Variants in RIMS3 observed in about 807,000 individuals in gnomAD.
The protein encoded by RIMS3 is regulating synaptic membrane exocytosis 3, also known as regulating synaptic membrane exocytosis protein 3.
In RIMS3, 15 loss-of-function variants were observed where a neutral mutation model predicts 29.2. That is an observed-to-expected ratio of 0.51 (90% confidence interval 0.34 to 0.79). The LOEUF (loss-of-function observed/expected upper bound fraction) is 0.79, where lower values mean the gene tolerates loss of function less well. RIMS3 is among the 30% of genes least tolerant of loss of function. RIMS3 has a pLI of 0.01. For missense variants in RIMS3, 342 were observed against 421.4 expected (o/e 0.81, Z 1.65); for synonymous variants, 161 against 170.1 (o/e 0.95, Z 0.41).
upstream of RIMS3, among the ~76,000 whole-genome samples, chr1:40,667,210 G>A (rs1259581877): frequency 6.6e-6 from 1 of 152,212 alleles, no homozygotes; most frequent in Non-Finnish European, 1.5e-5. Flanking sequence ...TAGCTGGTCA[G>A]AGGTGGAGCT....
In RIMS3 at chr1:40,665,498, G is replaced by A. The variant is rs1642410998; in HGVS notation, c.-311C>T. On this transcript the variant is annotated 5_prime_UTR_variant, in exon 1 of 8. Transcript: ENST00000372684. The stretch of plus-strand genomic sequence containing the variant: ...CCCGGGACCCCGCCCCGCGAACCCG[G>A]CAGTAGGCGCGGCCCGGCCCCAGGC... 1 of 152,206 alleles carries A rather than the reference G, an allele frequency of 6.6e-6. No homozygotes were observed. Among genetic ancestry groups the A allele is most frequent in the African/African-American group, 2.4e-5 (1 of 41,436 alleles). 9.4% of individuals were successfully genotyped at this position (152,206 alleles called of 1,614,324 possible).
At position 40,629,251 on chromosome 1, in the gene RIMS3, C is replaced by T. The variant is rs753131811; in HGVS notation, c.574+20G>A. On this transcript the variant is annotated intron_variant, in intron 6 of 7. Transcript: ENST00000372684. ...CTCTATGCCCCTCCCTGTCAGGACC[C>T]CATTTCCAAAATCCCTCACCTGGGA... The T allele has an allele frequency of 6.9e-6, 11 of 1,602,592 alleles. No individual in the cohort carries two copies. In the East Asian group the frequency reaches 2.2e-4, roughly 32 times the overall value.
At chr1:40,680,331 T>TTG in the RIMS3 span, among the ~76,000 whole-genome samples, 1 of 28,546 alleles carries the variant, frequency 3.5e-5, no homozygotes, top group Non-Finnish European at 1.1e-4. Context: ...GAGTAAATAG[T>TTG]TTTTTTTTTT....
chr1:40,648,301 C>T (rs1646608174), intron 1 of RIMS3, among the ~76,000 whole-genome samples: 1 of 152,210 alleles, frequency 6.6e-6, no homozygotes, highest in Non-Finnish European at 1.5e-5. Flanking sequence ...TCCATTCCCT[C>T]CTCTACAAAA....
the RIMS3 span, among the ~76,000 whole-genome samples, chr1:40,685,844 AG>A: frequency 6.6e-6 from 1 of 151,936 alleles, no homozygotes; most frequent in Admixed American, 6.6e-5. Context: ...CAACCTTTAA[AG>A]AAAAAAAAAA....
At chr1:40,666,954 G>A (rs1026251202), upstream of RIMS3, among the ~76,000 whole-genome samples, 1 of 152,192 alleles carries the variant, frequency 6.6e-6, no homozygotes, top group Non-Finnish European at 1.5e-5. Flanking sequence ...GAACCCAGGA[G>A]GCGGAGGTTG....
chr1:40,663,521 A>C (rs1642382145), intron 1 of RIMS3, among the ~76,000 whole-genome samples: 1 of 152,054 alleles, frequency 6.6e-6, no homozygotes, highest in African/African-American at 2.4e-5. Flanking sequence ...CAGGCCAGAT[A>C]ATTGTTTTCT....
chr1:40,679,420 G>A, the RIMS3 span, among the ~76,000 whole-genome samples: 915 of 152,328 alleles, frequency 6.0e-3, 8 homozygotes, highest in African/African-American at 0.021. Context: ...ATAGAGTGGA[G>A]CTCAAAGCAA....
the RIMS3 span, among the ~76,000 whole-genome samples, chr1:40,685,048 G>A: frequency 6.6e-6 from 1 of 151,972 alleles, no homozygotes; most frequent in African/African-American, 2.4e-5. Flanking sequence ...GTGGCTAATT[G>A]TCTGGGAGCC....
chr1:40,650,932 C>A (rs943582822), intron 1 of RIMS3, among the ~76,000 whole-genome samples: 1 of 149,062 alleles, frequency 6.7e-6, no homozygotes, highest in South Asian at 2.1e-4. Context: ...CCTGGCATAC[C>A]TTCTCTGCCC....
At chr1:40,642,095 G>A in intron 2 of RIMS3, 139 bp from the exon 3 acceptor site, 1 of 605,036 alleles carries the variant, frequency 1.7e-6, no homozygotes, top group South Asian at 1.9e-5. Flanking sequence ...ACAAACAAAT[G>A]TCAAGAGCAT....
At chr1:40,649,431 A>G (rs1435506353) in intron 1 of RIMS3, among the ~76,000 whole-genome samples, 2 of 151,982 alleles carry the variant, frequency 1.3e-5, no homozygotes, top group Admixed American at 6.6e-5. Context: ...CACCCTCCCC[A>G]TTGGGCCCCT....
chr1:40,667,209 AG>A (rs1475400625), upstream of RIMS3, among the ~76,000 whole-genome samples: 3 of 152,296 alleles, frequency 2.0e-5, no homozygotes, highest in Non-Finnish European at 4.4e-5. Context: ...ATAGCTGGTC[AG>A]AGGTGGAGCT....
rs666631 is a variant in RIMS3, at chr1:40,641,896, T to A, written c.30A>T (p.Ser10=). Residue 10 remains serine (S), a synonymous_variant, in exon 3 of 8, where the codon TCA becomes TCT. Coordinates refer to ENST00000372684, the MANE Select transcript of RIMS3 (RefSeq NM_014747.3). MFNGEPGPA[S]SGASRNVVRS... is the part of the protein sequence containing the mutation. ...GCACCACATTCCTGGAGGCCCCAGA[T>A]GAGGCAGGACCTGGCTCCCCGTTAA... 2 of 1,613,626 alleles carry A rather than the reference T, an allele frequency of 1.2e-6. No individual in the cohort carries two copies.
At chr1:40,652,641 G>C (rs1642196255) in intron 1 of RIMS3, among the ~76,000 whole-genome samples, 1 of 152,256 alleles carries the variant, frequency 6.6e-6, no homozygotes, top group Non-Finnish European at 1.5e-5. Context: ...TGGAGAGGAG[G>C]TAGGTACAAC....
chr1:40,668,235 G>A (rs1249867924), upstream of RIMS3, among the ~76,000 whole-genome samples: 6 of 128,214 alleles, frequency 4.7e-5, no homozygotes, highest in Admixed American at 8.3e-5. Context: ...TGGTAACAGA[G>A]CAAGACTCTG....
chr1:40,684,931 CAGG>C, the RIMS3 span, among the ~76,000 whole-genome samples: 37 of 152,102 alleles, frequency 2.4e-4, no homozygotes, highest in Non-Finnish European at 2.1e-4. Context: ...CTGGAAGTTG[CAGG>C]AGAAGCCATA....
the RIMS3 span, among the ~76,000 whole-genome samples, chr1:40,675,737 A>G: frequency 6.8e-6 from 1 of 147,152 alleles, no homozygotes; most frequent in Non-Finnish European, 1.5e-5. Flanking sequence ...CAGCCTGGGA[A>G]ACAAGAGTGA....
At chr1:40,659,762 T>C (rs1384754416) in intron 1 of RIMS3, among the ~76,000 whole-genome samples, 3 of 152,146 alleles carry the variant, frequency 2.0e-5, no homozygotes, top group African/African-American at 7.2e-5. Context: ...AAGTAGGAGT[T>C]AGCAGGGCCC....
Sources: gnomAD v4.1 joint callset for allele counts (sites outside exome capture counted in the v4.1 genomes callset) on GRCh38, gnomAD v4.1.1 for gene constraint, MANE v1.5 for transcripts, NCBI Gene and HGNC (gene_info 2026-07-23, HGNC 2026-07-21) for gene names.